TMCC3: variants seen among roughly 807,000 people sequenced by gnomAD.
The protein encoded by TMCC3 is transmembrane and coiled-coil domain family 3, also known as transmembrane and coiled-coil domain protein 3.
Under a neutral mutation model 40.2 loss-of-function variants are expected in TMCC3, and 28 were observed. That is an observed-to-expected ratio of 0.70 (90% confidence interval 0.52 to 0.95). The LOEUF (loss-of-function observed/expected upper bound fraction) is 0.95. Ranked by LOEUF, TMCC3 falls within the 40% of genes least tolerant of loss-of-function variation. The pLI, the probability that TMCC3 is intolerant of heterozygous loss-of-function variation, is 0.00. For synonymous variants in TMCC3, 255 were observed against 248.5 expected (o/e 1.03, Z -0.25); for missense variants, 554 against 615.2 (o/e 0.90, Z 1.05).
At position 94,582,464 on chromosome 12, in the gene TMCC3, G is replaced by A. The variant is rs145448049; in HGVS notation, c.153C>T (p.Asn51=). The A allele has an allele frequency of 4.3e-6, 7 of 1,613,834 alleles. No individual in the cohort carries two copies. The highest frequency in any genetic ancestry group is 1.6e-4 in the Middle Eastern group (1 of 6,082). The change falls in exon 2 of 4, where the codon AAC becomes AAT. Residue 51 remains asparagine, a synonymous_variant. Transcript: ENST00000261226. ...IRRGGSDTNL[N]FDVPDGILDF... ...CCAGGATGCCATCCGGGACATCAAA[G>A]TTGAGGTTGGTGTCTGACCCCCCTC...
chr12:94,592,286 TCGCA>T (rs1236493641), intron 1 of TMCC3, among the ~76,000 whole-genome samples: 23 of 152,094 alleles, frequency 1.5e-4, no homozygotes, highest in Admixed American at 1.0e-3. Flanking sequence ...GTTTTATTCC[TCGCA>T]TCCCCCCTTC....
In TMCC3 at chr12:94,578,470, G is replaced by A; in HGVS notation, c.1055C>T (p.Ala352Val). The A allele has an allele frequency of 6.2e-7, 1 of 1,614,186 alleles. No individual in the cohort carries two copies. The highest frequency in any genetic ancestry group is 8.5e-7 in the Non-Finnish European group (1 of 1,180,024). ...GCTGGCCAGCTCCTGCTTCAGGTTG[G>A]CTGTCTCATGCTGATGCAGGTCCGT... is the stretch of plus-strand genomic sequence containing the variant. ...DLTDLHQHET[A>V]NLKQELASIE... The change falls in exon 3 of 4, where the codon GCC becomes GTC. Residue 352 changes from alanine to valine, a missense_variant. Coordinates refer to ENST00000261226, the MANE Select transcript of TMCC3 (RefSeq NM_020698.4).
At chr12:94,614,758 C>G (rs2068838300) in intron 1 of TMCC3, among the ~76,000 whole-genome samples, 1 of 150,068 alleles carries the variant, frequency 6.7e-6, no homozygotes, top group Non-Finnish European at 1.5e-5. Context: ...AAACAACAGA[C>G]AGATTTTTTT....
At chr12:94,588,006 A>G (rs911521839) in intron 1 of TMCC3, among the ~76,000 whole-genome samples, 1 of 152,112 alleles carries the variant, frequency 6.6e-6, no homozygotes, top group Non-Finnish European at 1.5e-5. Flanking sequence ...TTCCACTGTC[A>G]CCCCAATGCT....
chr12:94,641,199 C>CAAAA (rs112330938), intron 1 of TMCC3, among the ~76,000 whole-genome samples: 1 of 143,070 alleles, frequency 7.0e-6, no homozygotes. Context: ...GACCCTGTCT[C>CAAAA]AAAAAAAAAA....
At chr12:94,612,048 G>A (rs2068819308) in intron 1 of TMCC3, among the ~76,000 whole-genome samples, 1 of 152,214 alleles carries the variant, frequency 6.6e-6, no homozygotes, top group South Asian at 2.1e-4. Context: ...AACCAGACTG[G>A]AGTGCAGTGG....
chr12:94,643,565 T>C lies in TMCC3; in HGVS notation c.78+6788A>G, dbSNP rs75205389. On this transcript the variant is annotated intron_variant, in intron 1 of 3. Coordinates refer to ENST00000261226, the MANE Select transcript of TMCC3 (RefSeq NM_020698.4). ...AGCTTATTTGACAGCCTTTAAGACTTCAAACTACTAGCAAAATTCTCATAT... is the reference window on the plus strand; with the variant it reads ...AGCTTATTTGACAGCCTTTAAGACTCCAAACTACTAGCAAAATTCTCATAT... 3.9e-3 allele frequency among the ~76,000 whole-genome samples: 599 copies of C among 152,314 alleles called. 3 individuals are homozygous for C. Among genetic ancestry groups the C allele is most frequent in the African/African-American group, 0.013 (551 of 41,564 alleles).
At chr12:94,587,544 G>A (rs561507164) in intron 1 of TMCC3, among the ~76,000 whole-genome samples, 43 of 152,292 alleles carry the variant, frequency 2.8e-4, no homozygotes, top group Non-Finnish European at 5.7e-4. Context: ...TTTCACTTCT[G>A]AAAATGGACA....
intron 1 of TMCC3, among the ~76,000 whole-genome samples, chr12:94,603,613 G>C (rs955200698): frequency 1.3e-5 from 2 of 152,184 alleles, no homozygotes; most frequent in Non-Finnish European, 2.9e-5. Flanking sequence ...GTTACCCTTT[G>C]CGGGGAAGTA....
chr12:94,628,846 G>A (rs536019993), intron 1 of TMCC3, among the ~76,000 whole-genome samples: 2 of 152,318 alleles, frequency 1.3e-5, no homozygotes, highest in African/African-American at 4.8e-5. Context: ...GAAATTCTAC[G>A]AAGGGACTAA....
At chr12:94,647,355 C>G (rs1594303330) in intron 1 of TMCC3, among the ~76,000 whole-genome samples, 2 of 152,150 alleles carry the variant, frequency 1.3e-5, no homozygotes, top group African/African-American at 4.8e-5. Flanking sequence ...TACACTGCCT[C>G]ATTATTATTC....
At chr12:94,574,339 G>T (rs1455755930) in intron 3 of TMCC3, among the ~76,000 whole-genome samples, 1 of 150,296 alleles carries the variant, frequency 6.7e-6, no homozygotes, top group African/African-American at 2.5e-5. Context: ...AGTGAGCCGA[G>T]ATCACGCCAC....
rs571117401 is a variant in TMCC3 at position 94,640,044 on chromosome 12, A to G, written c.78+10309T>C. Among the ~76,000 whole-genome samples the G allele has an allele frequency of 2.0e-5, 3 of 152,360 alleles. No homozygotes were observed. The East Asian group carries it at 5.8e-4, about 29-fold the overall frequency. ...TGAATTATTTTAGGTGACATAAGAC[A>G]AAAGCATTAAATAACATAGAATCAC... On this transcript the variant is annotated intron_variant, in intron 1 of 3. Coordinates refer to ENST00000261226, the MANE Select transcript of TMCC3 (RefSeq NM_020698.4).
At chr12:94,592,681 A>G (rs2138839250) in intron 1 of TMCC3, among the ~76,000 whole-genome samples, 1 of 148,644 alleles carries the variant, frequency 6.7e-6, no homozygotes, top group African/African-American at 2.5e-5. Flanking sequence ...AAAAAAAAAA[A>G]AATTCTATTT....
rs2068513052 is a variant in TMCC3, at chr12:94,569,355, C to T, written c.*2080G>A. The T allele has an allele frequency of 6.6e-6, 1 of 152,468 alleles. No homozygotes were observed. Among genetic ancestry groups the T allele is most frequent in the Non-Finnish European group, 1.5e-5 (1 of 68,250 alleles). The allele number at this position is 152,468 out of a possible 1,614,324, so 9.4% of individuals were successfully genotyped here. A position where few individuals can be genotyped will look rare whatever the true frequency, so the allele number is the denominator to read the frequency against. On this transcript the variant is annotated 3_prime_UTR_variant, in exon 4 of 4. Transcript: ENST00000261226. ...CAAAAGCTAAAGGAAGCACAACATT[C>T]TCTCTGCCTCCCTGCCTTGCACCTG... is the stretch of plus-strand genomic sequence containing the variant.
Position 94,571,742 on chromosome 12 carries a change from G to A in TMCC3, c.1132-5C>T. The A allele has an allele frequency of 3.1e-6, 5 of 1,612,964 alleles. No homozygotes were observed. Among genetic ancestry groups the A allele is most frequent in the Non-Finnish European group, 4.2e-6 (5 of 1,179,334 alleles). On this transcript the variant is annotated splice_region_variant and splice_polypyrimidine_tract_variant and intron_variant, in intron 3 of 3. Transcript: ENST00000261226. ...CTGGCAGGATTCCAAGGCTTCCTGTGAGCAAGAGGGAGAGCAAGGGTCAAA... is the reference window on the plus strand; with the variant it reads ...CTGGCAGGATTCCAAGGCTTCCTGTAAGCAAGAGGGAGAGCAAGGGTCAAA...
intron 1 of TMCC3, among the ~76,000 whole-genome samples, chr12:94,650,001 G>A (rs539080496): frequency 3.2e-4 from 49 of 152,300 alleles, no homozygotes; most frequent in African/African-American, 1.2e-3. Context: ...CTGGAGACGC[G>A]GGGCCGCGGG....
chr12:94,642,863 A>G (rs926286885), intron 1 of TMCC3, among the ~76,000 whole-genome samples: 1 of 152,006 alleles, frequency 6.6e-6, no homozygotes, highest in Non-Finnish European at 1.5e-5. Flanking sequence ...CCTTGTAAAA[A>G]CCTAACTTTG....
chr12:94,636,937 T>C (rs1293445874), intron 1 of TMCC3, among the ~76,000 whole-genome samples: 1 of 152,202 alleles, frequency 6.6e-6, no homozygotes, highest in East Asian at 1.9e-4. Context: ...GATGATGCAG[T>C]TAAGCTGCAG....
Sources: gnomAD v4.1 joint callset for allele counts (sites outside exome capture counted in the v4.1 genomes callset) on GRCh38, gnomAD v4.1.1 for gene constraint, MANE v1.5 for transcripts, NCBI Gene and HGNC (gene_info 2026-07-23, HGNC 2026-07-21) for gene names.